PUM2: variants seen among roughly 807,000 people sequenced by gnomAD.
PUM2 encodes pumilio homolog 2.
Under a neutral mutation model 124.5 loss-of-function variants are expected in PUM2, and 57 were observed. The observed-to-expected ratio is 0.46, with a 90% confidence interval of 0.37 to 0.57. PUM2 has a LOEUF of 0.57. PUM2 is among the 20% of genes least tolerant of loss of function. PUM2 has a pLI of 0.00. For missense variants in PUM2, 1,065 were observed against 1,290.6 expected (o/e 0.83, Z 2.68); for synonymous variants, 460 against 446.1 (o/e 1.03, Z -0.39).
At position 20,350,754 on chromosome 2, in the gene PUM2, C is replaced by G. The variant is rs1382149500; in HGVS notation, c.-176G>C. 60 of 922,154 alleles carry G rather than the reference C, an allele frequency of 6.5e-5. No individual in the cohort carries two copies. The highest frequency in any genetic ancestry group is 7.4e-5 in the Non-Finnish European group (58 of 783,354). 57.1% of individuals were successfully genotyped at this position (922,154 alleles called of 1,614,324 possible). On this transcript the variant is annotated 5_prime_UTR_variant, in exon 1 of 21. Coordinates refer to ENST00000361078, the MANE Select transcript of PUM2 (RefSeq NM_015317.5). ...CCCCCCCACCCCACCTCCTCCTTCT[C>G]CTCCCCCTCCTCCTCCGAACCACCG...
rs759753835 is a variant in PUM2 at position 20,263,374 on chromosome 2, G to A, written c.2044C>T (p.Leu682=). 1.9e-5 allele frequency: 31 copies of A among 1,613,994 alleles called. No individual in the cohort carries two copies. Among genetic ancestry groups the A allele is most frequent in the Non-Finnish European group, 2.5e-5 (29 of 1,179,940 alleles). Reference sequence around the variant, plus strand: ...AAGAGCTGGCTGCTGGAGCTAAATAGACTGGAAGTGCTTGAAGCACTTCGA... The same window carrying A: ...AAGAGCTGGCTGCTGGAGCTAAATAAACTGGAAGTGCTTGAAGCACTTCGA... ...KYRSASSTSS[L]FSSSSQLFPP... Residue 682 remains leucine, a synonymous_variant, in exon 14 of 21, where the codon CTA becomes TTA. Coordinates refer to ENST00000361078, the MANE Select transcript of PUM2 (RefSeq NM_015317.5).
intron 10 of PUM2, among the ~76,000 whole-genome samples, chr2:20,288,821 A>G (rs952748410): frequency 1.3e-5 from 2 of 152,238 alleles, no homozygotes; most frequent in African/African-American, 2.4e-5. Context: ...GGCACAATGA[A>G]GTAAAGAAGG....
At chr2:20,301,463 T>G (rs1169459722) in intron 7 of PUM2, among the ~76,000 whole-genome samples, 1 of 152,190 alleles carries the variant, frequency 6.6e-6, no homozygotes, top group African/African-American at 2.4e-5. Context: ...CCTTTCCTGA[T>G]ATGTATACAT....
chr2:20,258,650 C>CTTTTTTTT lies in PUM2; in HGVS notation c.2356-287_2356-280dup, dbSNP rs1057217780. Among the ~76,000 whole-genome samples, 131 of 93,872 alleles carry CTTTTTTTT rather than the reference C, an allele frequency of 1.4e-3. 1 individual carries two copies. Among genetic ancestry groups the CTTTTTTTT allele is most frequent in the Middle Eastern group, 9.8e-3 (1 of 102 alleles). The allele number at this position is 93,872 out of a possible 152,430, so 61.6% of individuals were successfully genotyped here. A position where few individuals can be genotyped will look rare whatever the true frequency, so the allele number is the denominator to read the frequency against. On this transcript the variant is annotated intron_variant, in intron 15 of 20. Transcript: ENST00000361078. ...TGAACATCTTTACAAAACCCTTCATCTTTTTTTTTTTTTTTTTTTTTTTTT... is the reference window on the plus strand; with the variant it reads ...TGAACATCTTTACAAAACCCTTCATCTTTTTTTTTTTTTTTTTTTTTTTTTTTTTTTTT...
chr2:20,310,174 A>AT (rs1479796442), intron 5 of PUM2, among the ~76,000 whole-genome samples: 2 of 152,108 alleles, frequency 1.3e-5, no homozygotes, highest in Non-Finnish European at 2.9e-5. Context: ...ACAGCTGTTG[A>AT]TTGTGTTAAC....
At chr2:20,349,340 C>A (rs1231213964) in intron 1 of PUM2, among the ~76,000 whole-genome samples, 1 of 152,042 alleles carries the variant, frequency 6.6e-6, no homozygotes, top group African/African-American at 2.4e-5. Flanking sequence ...ACAAAAACTG[C>A]CCTCATGCAC....
At chr2:20,298,202 A>AGAGAG (rs1676093407) in intron 7 of PUM2, among the ~76,000 whole-genome samples, 1 of 152,242 alleles carries the variant, frequency 6.6e-6, no homozygotes, top group Non-Finnish European at 1.5e-5. Context: ...CTCTGGGCAC[A>AGAGAG]GAGAGGAGGA....
chr2:20,311,034 A>G (rs182246410), intron 5 of PUM2, among the ~76,000 whole-genome samples: 2 of 152,194 alleles, frequency 1.3e-5, no homozygotes, highest in African/African-American at 4.8e-5. Context: ...ATATTTTAAG[A>G]AAGATTACTG....
At chr2:20,317,023 T>A (rs1483718165) in intron 3 of PUM2, among the ~76,000 whole-genome samples, 3 of 151,532 alleles carry the variant, frequency 2.0e-5, no homozygotes, top group Non-Finnish European at 4.4e-5. Context: ...AGAGCGAGAC[T>A]CTGTCTCAGG....
At chr2:20,285,511 G>T (rs1305940189) in intron 10 of PUM2, among the ~76,000 whole-genome samples, 2 of 152,072 alleles carry the variant, frequency 1.3e-5, no homozygotes, top group African/African-American at 4.8e-5. Flanking sequence ...AAAAATGGGG[G>T]TTCAAACTCC....
rs1291195450 is a variant in PUM2 at position 20,260,433 on chromosome 2, T to C, written c.2259A>G (p.Pro753=). Reference sequence around the variant, plus strand: ...CATTAAATACCATCTGTCGCTCAGCTGGAGTAGCTCTCTCTAGTTTTTGCT... The same window carrying C: ...CATTAAATACCATCTGTCGCTCAGCCGGAGTAGCTCTCTCTAGTTTTTGCT... The part of the protein sequence containing the change: ...FIQQKLERAT[P]AERQMVFNEI... The change falls in exon 15 of 21, where the codon CCA becomes CCG. Residue 753 remains proline (P), a synonymous_variant. Coordinates refer to ENST00000361078, the MANE Select transcript of PUM2 (RefSeq NM_015317.5). 8 of 1,610,526 alleles carry C rather than the reference T, an allele frequency of 5.0e-6. No individual in the cohort carries two copies. The highest frequency in any genetic ancestry group is 4.4e-5 in the South Asian group (4 of 90,986).
At chr2:20,333,789 G>A (rs1031306533) in intron 1 of PUM2, among the ~76,000 whole-genome samples, 6 of 152,068 alleles carry the variant, frequency 3.9e-5, no homozygotes, top group Admixed American at 6.6e-5. Context: ...ATGTCAAAAC[G>A]TAAACCCCAG....
chr2:20,315,979 A>G (rs906421452), intron 3 of PUM2, among the ~76,000 whole-genome samples: 3 of 152,210 alleles, frequency 2.0e-5, no homozygotes, highest in African/African-American at 7.2e-5. Context: ...ACATGCTCTC[A>G]GCAAGAAATA....
At chr2:20,294,751 CT>C (rs1190383254) in intron 8 of PUM2, among the ~76,000 whole-genome samples, 2 of 152,196 alleles carry the variant, frequency 1.3e-5, no homozygotes, top group African/African-American at 4.8e-5. Flanking sequence ...TGATAGGACA[CT>C]TAACCATCTA....
chr2:20,335,925 T>C (rs1231662463), intron 1 of PUM2, among the ~76,000 whole-genome samples: 2 of 152,330 alleles, frequency 1.3e-5, no homozygotes, highest in South Asian at 4.1e-4. Context: ...ACCATATATT[T>C]GGGTCCTTAC....
intron 2 of PUM2, among the ~76,000 whole-genome samples, chr2:20,320,379 C>T (rs1260667534): frequency 2.0e-5 from 3 of 151,926 alleles, no homozygotes; most frequent in African/African-American, 7.3e-5. Context: ...AAAAGAATAA[C>T]CTGTTTAATA....
chr2:20,300,033 G>C (rs527799710), intron 7 of PUM2, among the ~76,000 whole-genome samples: 2 of 152,326 alleles, frequency 1.3e-5, no homozygotes, highest in South Asian at 4.1e-4. Flanking sequence ...GCTTCAGAGA[G>C]AATAGACTCT....
chr2:20,296,679 T>C (rs1178065290), intron 8 of PUM2, among the ~76,000 whole-genome samples: 1 of 118,510 alleles, frequency 8.4e-6, no homozygotes, highest in Non-Finnish European at 1.6e-5. Flanking sequence ...ATAAACAAAA[T>C]TCTAAGGCAG....
At chr2:20,302,726 T>C (rs1335374166) in intron 7 of PUM2, among the ~76,000 whole-genome samples, 2 of 152,190 alleles carry the variant, frequency 1.3e-5, no homozygotes, top group African/African-American at 4.8e-5. Flanking sequence ...AAGAAAGCAG[T>C]GACTAATGAA....
Sources: gnomAD v4.1 joint callset for allele counts (sites outside exome capture counted in the v4.1 genomes callset) on GRCh38, gnomAD v4.1.1 for gene constraint, MANE v1.5 for transcripts, NCBI Gene and HGNC (gene_info 2026-07-23, HGNC 2026-07-21) for gene names.